Variants in RAP1GAP2 observed in about 807,000 individuals in gnomAD.
The protein encoded by RAP1GAP2 is rap1 GTPase-activating protein 2.
Under a neutral mutation model 95.0 loss-of-function variants are expected in RAP1GAP2, and 27 were observed. That is an observed-to-expected ratio of 0.28 (90% CI 0.21 to 0.39). RAP1GAP2 has a LOEUF of 0.39. RAP1GAP2 is among the 10% of genes least tolerant of loss of function. The pLI is 1.00. For synonymous variants in RAP1GAP2, 373 were observed against 380.9 expected, an observed-to-expected ratio of 0.98 and a Z score of 0.24; for missense variants, 771 against 970.0, an observed-to-expected ratio of 0.79 and a Z score of 2.72.
At chr17:3,031,928 C>G (rs559102263) in intron 23 of RAP1GAP2, among the ~76,000 whole-genome samples, 1 of 145,492 alleles carries the variant, frequency 6.9e-6, no homozygotes, top group Admixed American at 6.8e-5. Flanking sequence ...ACCAGACTAT[C>G]GAGAGCTCCA....
At position 2,933,873 on chromosome 17, in the gene RAP1GAP2, C is replaced by T. The variant is rs184420540; in HGVS notation, c.166-23886C>T. On this transcript the variant is annotated intron_variant, in intron 3 of 24. Coordinates refer to ENST00000254695, the MANE Select transcript of RAP1GAP2 (RefSeq NM_015085.5). ...CAGGACCAGGAGCTCGGCCAGCTGACGCTGCAAAGCCTGCCTTGGAGAGTC... is the reference window on the plus strand; with the variant it reads ...CAGGACCAGGAGCTCGGCCAGCTGATGCTGCAAAGCCTGCCTTGGAGAGTC... 1.3e-3 allele frequency among the ~76,000 whole-genome samples: 195 copies of T among 152,382 alleles called. No individual in the cohort carries two copies. The Middle Eastern group carries it at 0.014, about 11-fold the overall frequency.
At chr17:2,910,130 G>T (rs2042324103) in intron 3 of RAP1GAP2, among the ~76,000 whole-genome samples, 1 of 152,204 alleles carries the variant, frequency 6.6e-6, no homozygotes, top group African/African-American at 2.4e-5. Context: ...CTTGCAGGCT[G>T]TCCGATTCTT....
At chr17:2,861,182 C>T (rs1022335814) in intron 2 of RAP1GAP2, among the ~76,000 whole-genome samples, 2 of 152,036 alleles carry the variant, frequency 1.3e-5, no homozygotes, top group South Asian at 2.1e-4. Context: ...CCTCCCCTGA[C>T]GATCCAATCT....
rs1317636088 is a variant in RAP1GAP2 at position 3,011,594 on chromosome 17, T to G, written c.1494+3449T>G. The stretch of plus-strand genomic sequence containing the variant: ...CAGGAAGAAAAGTTACAGGCCTTTA[T>G]CTCTTCCTGTCAAAGTTTTTTTTTT... On this transcript the variant is annotated intron_variant, in intron 17 of 24. Coordinates refer to ENST00000254695, the MANE Select transcript of RAP1GAP2 (RefSeq NM_015085.5). 2.0e-5 allele frequency among the ~76,000 whole-genome samples: 3 copies of G among 150,314 alleles called. No homozygotes were observed. In the Admixed American group the frequency reaches 2.0e-4, roughly 10 times the overall value.
intron 17 of RAP1GAP2, among the ~76,000 whole-genome samples, chr17:3,009,072 A>G (rs962329251): frequency 1.3e-5 from 2 of 152,122 alleles, no homozygotes; most frequent in Admixed American, 6.6e-5. Context: ...ATGGGGAATT[A>G]TGTGTAGGGC....
At chr17:2,897,921 CTT>C (rs139128312) in intron 2 of RAP1GAP2, among the ~76,000 whole-genome samples, 105,686 of 134,996 alleles carry the variant, frequency 0.78, 41,194 homozygotes, top group Admixed American at 0.87. Flanking sequence ...TCTGCGGAGT[CTT>C]TTTTTTTTTT....
intron 2 of RAP1GAP2, among the ~76,000 whole-genome samples, chr17:2,858,158 T>C (rs1195264724): frequency 6.6e-6 from 1 of 152,180 alleles, no homozygotes; most frequent in Non-Finnish European, 1.5e-5. Context: ...GGGTGTGACT[T>C]TCTGAACTGG....
At chr17:2,894,231 C>T (rs965505918) in intron 2 of RAP1GAP2, among the ~76,000 whole-genome samples, 1 of 152,150 alleles carries the variant, frequency 6.6e-6, no homozygotes, top group African/African-American at 2.4e-5. Context: ...GGGTTTGAGA[C>T]CAGCTTGGCC....
intron 11 of RAP1GAP2, among the ~76,000 whole-genome samples, chr17:2,989,717 T>G (rs537198914): frequency 6.6e-6 from 1 of 152,304 alleles, no homozygotes; most frequent in African/African-American, 2.4e-5. Flanking sequence ...AACAGCTTTA[T>G]TGAGCACATC....
chr17:2,954,369 G>T (rs1014452518), intron 3 of RAP1GAP2, among the ~76,000 whole-genome samples: 5 of 152,036 alleles, frequency 3.3e-5, no homozygotes, highest in African/African-American at 1.2e-4. Flanking sequence ...CTCCCAAAGT[G>T]CTGGGATTAC....
At chr17:3,013,148 C>A (rs1325039024) in intron 17 of RAP1GAP2, among the ~76,000 whole-genome samples, 3 of 152,214 alleles carry the variant, frequency 2.0e-5, no homozygotes, top group Non-Finnish European at 2.9e-5. Flanking sequence ...CTTGGTCTGA[C>A]CTGACCCCTA....
In RAP1GAP2 at chr17:2,904,772, G is replaced by A. The variant is rs1471116276; in HGVS notation, c.81-512G>A. Among the ~76,000 whole-genome samples, 3 of 152,136 alleles carry A rather than the reference G, an allele frequency of 2.0e-5. No homozygotes were observed. The highest frequency in any genetic ancestry group is 6.5e-5 in the Admixed American group (1 of 15,278). ...GCACCTGCAAATGTGCATGTCTTTC[G>A]AGTTCCCAGGTGCCGCTGGTGGTCC... On this transcript the variant is annotated intron_variant, in intron 2 of 24. Transcript: ENST00000254695. The surrounding 1 kb of genome is among the most constrained non-coding windows in gnomAD (Gnocchi z 4.7).
intron 2 of RAP1GAP2, among the ~76,000 whole-genome samples, chr17:2,811,063 C>A (rs953631861): frequency 6.6e-6 from 1 of 152,142 alleles, no homozygotes; most frequent in Non-Finnish European, 1.5e-5. Flanking sequence ...CCCCATTCAA[C>A]AAGGTTCACC....
chr17:2,789,597 C>A (rs184222878), intron 1 of RAP1GAP2, among the ~76,000 whole-genome samples: 60 of 119,520 alleles, frequency 5.0e-4, no homozygotes, highest in African/African-American at 1.9e-3. Flanking sequence ...GACTCACAGA[C>A]AGTCTCTACT....
At chr17:2,935,198 G>A (rs567838089) in intron 3 of RAP1GAP2, among the ~76,000 whole-genome samples, 11 of 152,254 alleles carry the variant, frequency 7.2e-5, no homozygotes, top group Non-Finnish European at 1.2e-4. Flanking sequence ...ACAGGTAGGC[G>A]TGAGGATCAG....
intron 3 of RAP1GAP2, among the ~76,000 whole-genome samples, chr17:2,927,792 G>T (rs1056645306): frequency 1.3e-5 from 2 of 152,202 alleles, no homozygotes; most frequent in African/African-American, 4.8e-5. Context: ...GGAAACGCTA[G>T]CCGGCCCACC....
chr17:2,885,809 C>T (rs924555317), intron 2 of RAP1GAP2, among the ~76,000 whole-genome samples: 2 of 152,214 alleles, frequency 1.3e-5, no homozygotes, highest in African/African-American at 2.4e-5. Flanking sequence ...AGCTGCCTGG[C>T]GAGGCCACCC....
rs2044392254 is a variant in RAP1GAP2 at position 2,962,720 on chromosome 17, C to T, written c.246+6C>T. The T allele has an allele frequency of 6.3e-7, 1 of 1,592,530 alleles. No homozygotes were observed. The highest frequency in any genetic ancestry group is 1.1e-5 in the South Asian group (1 of 87,596). ...CGGGACCCCAGAAGAACAAGGTGGG[C>T]TGGGTGGGTGAGGGGGTGGCCAGAC... On this transcript the variant is annotated splice_donor_region_variant and intron_variant, in intron 5 of 24. Transcript: ENST00000254695.
chr17:2,962,490 G>A, intron 4 of RAP1GAP2, 180 bp from the exon 5 acceptor site: 2 of 608,164 alleles, frequency 3.3e-6, no homozygotes, highest in Non-Finnish European at 5.6e-6. Flanking sequence ...CGGCGCTGTT[G>A]CCTCACCTGA....
Sources: gnomAD v4.1 joint callset for allele counts (sites outside exome capture counted in the v4.1 genomes callset) on GRCh38, gnomAD v4.1.1 for gene constraint, Gnocchi (gnomAD v3.1) non-coding constraint, MANE v1.5 for transcripts, NCBI Gene and HGNC (gene_info 2026-07-23, HGNC 2026-07-21) for gene names.